Variants in AGBL4 observed in about 807,000 individuals in gnomAD.
AGBL4 encodes the protein AGBL carboxypeptidase 4.
AGBL4 carries 58 observed loss-of-function variants against 66.4 expected under a neutral mutation model. The observed-to-expected ratio is 0.87, with a 90% CI of 0.71 to 1.09. The LOEUF is 1.09. Among genes scored for constraint, AGBL4 ranks in the 50% least tolerant of loss-of-function variants. The pLI is 0.00. For synonymous variants in AGBL4, 234 were observed against 222.9 expected, an observed-to-expected ratio of 1.05 and a Z score of -0.44; for missense variants, 579 against 631.0, an observed-to-expected ratio of 0.92 and a Z score of 0.88.
At chr1:48,972,042 C>T (rs957635892) in intron 5 of AGBL4, among the ~76,000 whole-genome samples, 5 of 152,186 alleles carry the variant, frequency 3.3e-5, no homozygotes, top group African/African-American at 9.7e-5. Flanking sequence ...GTGTTTGTGC[C>T]TTTGTCCTGC....
intron 3 of AGBL4, among the ~76,000 whole-genome samples, chr1:49,585,507 C>T (rs1441639484): frequency 2.0e-5 from 3 of 152,096 alleles, no homozygotes; most frequent in Admixed American, 1.3e-4. Context: ...AGCCAGTGCC[C>T]TCAATCCTAT....
intron 3 of AGBL4, among the ~76,000 whole-genome samples, chr1:49,498,614 A>G (rs1407509092): frequency 6.6e-6 from 1 of 151,878 alleles, no homozygotes. Context: ...AAAATACTGC[A>G]TAATCTGACT....
At chr1:49,932,609 C>A (rs1653482621) in intron 1 of AGBL4, among the ~76,000 whole-genome samples, 1 of 151,972 alleles carries the variant, frequency 6.6e-6, no homozygotes, top group African/African-American at 2.4e-5. Context: ...TGATAAAACA[C>A]ATATCAAGAA....
At chr1:48,759,261 G>A (rs780057963) in intron 6 of AGBL4, 32 of 1,565,608 alleles carry the variant, frequency 2.0e-5, no homozygotes, top group Non-Finnish European at 2.6e-5. Flanking sequence ...GCGCCACTTC[G>A]CTCGGCTTCC....
chr1:49,970,469 C>T lies in AGBL4; in HGVS notation c.34+53294G>A, dbSNP rs185817435. Among the ~76,000 whole-genome samples, 1,060 of 152,166 alleles carry T rather than the reference C, an allele frequency of 7.0e-3. 11 individuals carry two copies. The highest frequency in any genetic ancestry group is 0.012 in the Non-Finnish European group (795 of 68,004). ...TGAATAACCATTTTGCCAAAGAAGA[C>T]ATCCAAATAGGTAACAGGTATAAGA... On this transcript the variant is annotated intron_variant, in intron 1 of 13. Coordinates refer to ENST00000371839, the MANE Select transcript of AGBL4 (RefSeq NM_032785.4).
At chr1:49,406,012 C>T (rs116018621) in intron 3 of AGBL4, among the ~76,000 whole-genome samples, 1,664 of 152,318 alleles carry the variant, frequency 0.011, 26 homozygotes, top group African/African-American at 0.038. Context: ...ACAACAACCA[C>T]TATCCTTCAA....
intron 6 of AGBL4, among the ~76,000 whole-genome samples, chr1:48,766,888 T>G (rs1301645332): frequency 6.6e-6 from 1 of 152,248 alleles, no homozygotes; most frequent in African/African-American, 2.4e-5. Context: ...CTATGCTAAG[T>G]AGTCCTTGTG....
At chr1:49,379,489 C>T (rs1365092567) in intron 3 of AGBL4, among the ~76,000 whole-genome samples, 4 of 152,080 alleles carry the variant, frequency 2.6e-5, no homozygotes, top group African/African-American at 9.7e-5. Context: ...ATACAGCTCC[C>T]CTTCAGTATG....
intron 3 of AGBL4, among the ~76,000 whole-genome samples, chr1:49,601,972 C>T (rs2124167665): frequency 6.6e-6 from 1 of 152,210 alleles, no homozygotes; most frequent in Admixed American, 6.5e-5. Flanking sequence ...GGGCTAATAT[C>T]CAGAATCCAC....
At chr1:48,819,163 A>G (rs1646256186) in intron 6 of AGBL4, among the ~76,000 whole-genome samples, 1 of 152,176 alleles carries the variant, frequency 6.6e-6, no homozygotes. Flanking sequence ...CGATATTGAA[A>G]ATAGATTTTG....
intron 6 of AGBL4, among the ~76,000 whole-genome samples, chr1:48,734,532 C>T (rs966290810): frequency 7.9e-5 from 12 of 152,208 alleles, no homozygotes; most frequent in Non-Finnish European, 7.3e-5. Context: ...GTGGCCTTCC[C>T]AGCCCTACAA....
intron 1 of AGBL4, among the ~76,000 whole-genome samples, chr1:50,000,903 CA>C (rs1239777472): frequency 4.6e-5 from 7 of 151,734 alleles, no homozygotes; most frequent in Non-Finnish European, 1.0e-4. Context: ...TTTCGGGACT[CA>C]GGGGGAAGGG....
At chr1:48,573,880 T>C (rs1190310392) in intron 11 of AGBL4, among the ~76,000 whole-genome samples, 1 of 152,252 alleles carries the variant, frequency 6.6e-6, no homozygotes, top group East Asian at 1.9e-4. Flanking sequence ...GAATTTGTTT[T>C]GCTTCCATCT....
intron 3 of AGBL4, among the ~76,000 whole-genome samples, chr1:49,539,211 T>A (rs370487510): frequency 6.6e-6 from 1 of 152,204 alleles, no homozygotes; most frequent in East Asian, 1.9e-4. Flanking sequence ...CAATTATTCA[T>A]ATCTAATTCT....
rs58650623 is a variant in AGBL4, at chr1:48,837,711, C to CTATATATATATATATATATATATA, written c.634+29456_634+29479dup. Among the ~76,000 whole-genome samples, 57 of 82,288 alleles carry CTATATATATATATATATATATATA rather than the reference C, an allele frequency of 6.9e-4. 1 individual carries two copies. Among genetic ancestry groups the CTATATATATATATATATATATATA allele is most frequent in the African/African-American group, 1.4e-3 (31 of 22,444 alleles). 54.0% of individuals were successfully genotyped at this position (82,288 alleles called of 152,430 possible). On this transcript the variant is annotated intron_variant, in intron 6 of 13. Transcript: ENST00000371839. Reference sequence around the variant, plus strand: ...ACGCACACACACGCACACACACACACTATATATATATATATATATATATAT... The same window carrying CTATATATATATATATATATATATA: ...ACGCACACACACGCACACACACACACTATATATATATATATATATATATATATATATATATATATATATATATAT...
chr1:49,590,365 A>G lies in AGBL4; in HGVS notation c.282+106948T>C, dbSNP rs543058627. On this transcript the variant is annotated intron_variant, in intron 3 of 13. Transcript: ENST00000371839. ...CAGAAAATTACATGCAGGATGCAAT[A>G]CCATCTATGAAAAAGAATTTGTACA... Among the ~76,000 whole-genome samples the G allele has an allele frequency of 2.6e-5, 4 of 152,034 alleles. No individual in the cohort carries two copies. In the East Asian group the frequency reaches 7.7e-4, roughly 29 times the overall value.
In AGBL4 at chr1:49,117,370, T is replaced by C. The variant is rs148327701; in HGVS notation, c.378-71570A>G. Among the ~76,000 whole-genome samples the C allele has an allele frequency of 2.7e-3, 407 of 152,332 alleles. 4 individuals carry two copies. The highest frequency in any genetic ancestry group is 9.5e-3 in the African/African-American group (395 of 41,578). On this transcript the variant is annotated intron_variant, in intron 4 of 13. Transcript: ENST00000371839. ...GGTTTTCGATCTAACATTTAAGTCT[T>C]CAATCCATCTTGAATTAATTTTTGT... is the stretch of plus-strand genomic sequence containing the variant.
intron 6 of AGBL4, among the ~76,000 whole-genome samples, chr1:48,795,061 A>T (rs1268726334): frequency 6.6e-6 from 1 of 152,156 alleles, no homozygotes; most frequent in Non-Finnish European, 1.5e-5. Flanking sequence ...ACTCCCATGG[A>T]TTCTGCACCA....
chr1:49,307,361 C>T (rs180905999), intron 3 of AGBL4, among the ~76,000 whole-genome samples: 20 of 152,126 alleles, frequency 1.3e-4, no homozygotes, highest in African/African-American at 4.3e-4. Flanking sequence ...AACAAACAAG[C>T]AAACAAAAAA....
Sources: allele counts gnomAD v4.1 joint callset (sites outside exome capture counted in the v4.1 genomes callset), GRCh38; gene constraint gnomAD v4.1.1; transcripts MANE v1.5; gene names NCBI Gene and HGNC (gene_info 2026-07-23, HGNC 2026-07-21).